The following DCBLD2 variants were observed in gnomAD, a reference collection of about 807,000 sequenced individuals.
DCBLD2 encodes discoidin, CUB and LCCL domain-containing protein 2.
DCBLD2 carries 54 observed loss-of-function variants against 86.8 expected under a neutral mutation model. The observed-to-expected ratio is 0.62, with a 90% CI of 0.50 to 0.78. DCBLD2 has a LOEUF of 0.78. DCBLD2 is among the 30% of genes least tolerant of loss of function. The pLI is 0.00. For missense variants in DCBLD2, 908 were observed against 954.2 expected, an observed-to-expected ratio of 0.95 and a Z score of 0.64; for synonymous variants, 354 against 341.3, an observed-to-expected ratio of 1.04 and a Z score of -0.41.
At chr3:98,891,440 G>C (rs994121420) in intron 1 of DCBLD2, among the ~76,000 whole-genome samples, 2 of 151,968 alleles carry the variant, frequency 1.3e-5, no homozygotes, top group African/African-American at 2.4e-5. Context: ...CTCTGAACAA[G>C]TGCAGGCCCT....
chr3:98,888,874 T>C (rs1296416318), intron 1 of DCBLD2, among the ~76,000 whole-genome samples: 1 of 152,032 alleles, frequency 6.6e-6, no homozygotes, highest in African/African-American at 2.4e-5. Context: ...ACTTTATTTT[T>C]GCCATTATTG....
At chr3:98,805,274 A>G (rs1941813876) in intron 13 of DCBLD2, among the ~76,000 whole-genome samples, 1 of 152,212 alleles carries the variant, frequency 6.6e-6, no homozygotes, top group Non-Finnish European at 1.5e-5. Context: ...GAAGATGTTA[A>G]TGAAACACTT....
intron 2 of DCBLD2, among the ~76,000 whole-genome samples, chr3:98,851,525 T>C (rs1942836538): frequency 6.6e-6 from 1 of 152,168 alleles, no homozygotes. Context: ...AATGTATAGA[T>C]TCAATGCTAT....
chr3:98,830,307 T>C (rs8179927), intron 3 of DCBLD2, among the ~76,000 whole-genome samples: 26,456 of 152,182 alleles, frequency 0.17, 2,462 homozygotes, highest in African/African-American at 0.25. Context: ...CATGAAATCT[T>C]TGACAGTTCC....
intron 2 of DCBLD2, among the ~76,000 whole-genome samples, chr3:98,876,387 G>A (rs1323981269): frequency 2.6e-5 from 1 of 39,084 alleles, no homozygotes; most frequent in East Asian, 9.5e-4. Flanking sequence ...AGAAAAACGG[G>A]CAAAAGACAG....
intron 14 of DCBLD2, chr3:98,801,291 T>C (rs962616059): frequency 2.3e-5 from 8 of 342,042 alleles, no homozygotes; most frequent in African/African-American, 1.5e-4. Context: ...TCTTACTCAG[T>C]GTTCACGTGG....
At chr3:98,833,724 C>A (rs961001381) in intron 3 of DCBLD2, among the ~76,000 whole-genome samples, 1 of 152,144 alleles carries the variant, frequency 6.6e-6, no homozygotes, top group African/African-American at 2.4e-5. Flanking sequence ...GAGATGGGTA[C>A]TGTGCTTGGG....
rs1458034345 is a variant in DCBLD2, at chr3:98,901,254, G to GGGCGGC, written c.67_72dup (p.Ala23_Ala24dup). 1.1e-5 allele frequency: 17 copies of GGGCGGC among 1,531,628 alleles called. No individual in the cohort carries two copies. Among genetic ancestry groups the GGGCGGC allele is most frequent in the Non-Finnish European group, 1.5e-5 (17 of 1,144,536 alleles). The allele number at this position is 1,531,628 out of a possible 1,614,324, so 94.9% of individuals were successfully genotyped here. A position where few individuals can be genotyped will look rare whatever the true frequency, so the allele number is the denominator to read the frequency against. Reference sequence around the variant, plus strand: ...GAGAGGGGGAGCGCGGCCCAGGCGGGGGCGGCGGCCGCGGCCCGGACTTGG... The same window carrying GGGCGGC: ...GAGAGGGGGAGCGCGGCCCAGGCGGGGGCGGCGGCGGCGGCCGCGGCCCGGACTTGG... On this transcript the variant is annotated inframe_insertion, in exon 1 of 16. Coordinates refer to ENST00000326840, the MANE Select transcript of DCBLD2 (RefSeq NM_080927.4).
At chr3:98,887,066 A>G (rs1943576468) in intron 1 of DCBLD2, among the ~76,000 whole-genome samples, 1 of 151,940 alleles carries the variant, frequency 6.6e-6, no homozygotes, top group African/African-American at 2.4e-5. Context: ...GCATTACTGA[A>G]TTTTAATAAT....
chr3:98,881,851 T>A, intron 1 of DCBLD2, 84 bp from the exon 2 acceptor site: 1 of 1,323,390 alleles, frequency 7.6e-7, no homozygotes, highest in Non-Finnish European at 1.1e-6. Context: ...GATTTAAAAA[T>A]ATGCACGACA....
chr3:98,881,482 A>C, intron 2 of DCBLD2, 58 bp downstream of exon 2: 2 of 1,469,832 alleles, frequency 1.4e-6, no homozygotes, highest in Admixed American at 3.4e-5. Flanking sequence ...AATATCAAAA[A>C]AATACATCAT....
intron 13 of DCBLD2, among the ~76,000 whole-genome samples, chr3:98,807,199 AT>A (rs1941857383): frequency 6.6e-6 from 1 of 152,068 alleles, no homozygotes; most frequent in Non-Finnish European, 1.5e-5. Context: ...ATGACTCACT[AT>A]TTTGCCTACA....
chr3:98,835,917 T>C (rs13060516), intron 3 of DCBLD2, among the ~76,000 whole-genome samples: 1 of 103,554 alleles, frequency 9.7e-6, no homozygotes, highest in East Asian at 2.9e-4. Context: ...TTTCTTTCTT[T>C]CTTTCTTCCT....
intron 2 of DCBLD2, among the ~76,000 whole-genome samples, chr3:98,878,299 G>A (rs1943404499): frequency 6.6e-6 from 1 of 152,116 alleles, no homozygotes; most frequent in African/African-American, 2.4e-5. Context: ...ATGATACACT[G>A]AGAACAGCGC....
In DCBLD2 at chr3:98,798,818, C is replaced by A; in HGVS notation, c.*554G>T. The A allele has an allele frequency of 6.6e-6, 1 of 152,602 alleles. No homozygotes were observed. The highest frequency in any genetic ancestry group is 1.5e-5 in the Non-Finnish European group (1 of 68,326). The allele number at this position is 152,602 out of a possible 1,614,324, so 9.5% of individuals were successfully genotyped here. ...CCCTGCTCATTACAAGTCAGAAAAT[C>A]CCAGCTACAGATCTTAAGATGGATA... On this transcript the variant is annotated 3_prime_UTR_variant, in exon 16 of 16. Transcript: ENST00000326840.
chr3:98,816,419 A>G (rs1047152816), intron 9 of DCBLD2: 2 of 152,214 alleles, frequency 1.3e-5, no homozygotes, highest in Admixed American at 1.3e-4. Flanking sequence ...GCTATATTCC[A>G]CAAGCAAAAT....
intron 1 of DCBLD2, among the ~76,000 whole-genome samples, chr3:98,896,992 T>C (rs1045575901): frequency 6.6e-6 from 1 of 152,220 alleles, no homozygotes; most frequent in Non-Finnish European, 1.5e-5. Context: ...CTTTGCTAAG[T>C]GTAGTCCTAA....
intron 2 of DCBLD2, among the ~76,000 whole-genome samples, chr3:98,859,505 C>T (rs773342073): frequency 2.5e-4 from 38 of 152,122 alleles, no homozygotes; most frequent in Non-Finnish European, 5.0e-4. Context: ...CTCACATGGC[C>T]GGGTACGCCT....
chr3:98,846,650 T>C (rs1942729578), intron 3 of DCBLD2, among the ~76,000 whole-genome samples: 3 of 152,172 alleles, frequency 2.0e-5, no homozygotes, highest in Admixed American at 1.3e-4. Context: ...AAAGTTTTAG[T>C]ATCAAGAAAT....
Sources: allele counts gnomAD v4.1 joint callset (sites outside exome capture counted in the v4.1 genomes callset), GRCh38; gene constraint gnomAD v4.1.1; transcripts MANE v1.5; gene names NCBI Gene and HGNC (gene_info 2026-07-23, HGNC 2026-07-21).